Variants in DSCAM observed in about 807,000 individuals in gnomAD.
DSCAM encodes the protein DS cell adhesion molecule.
A neutral mutation model predicts 217.7 loss-of-function variants in DSCAM; 47 were observed. The observed-to-expected ratio is 0.22, with a 90% CI of 0.17 to 0.28. DSCAM has a LOEUF of 0.28. Ranked by LOEUF, DSCAM falls within the 10% of genes least tolerant of loss-of-function variation. The pLI is 1.00. For synonymous variants in DSCAM, 1,056 were observed against 1,015.3 expected (o/e 1.04, Z -0.76); for missense variants, 2,080 against 2,618.3 (o/e 0.79, Z 4.49).
intron 3 of DSCAM, among the ~76,000 whole-genome samples, chr21:40,584,594 T>C (rs2076930027): frequency 6.6e-6 from 1 of 151,802 alleles, no homozygotes; most frequent in Admixed American, 6.6e-5. Context: ...TCATCACACC[T>C]CCCTCCCTCA....
At chr21:40,517,945 T>A (rs1401099681) in intron 3 of DSCAM, among the ~76,000 whole-genome samples, 2 of 152,094 alleles carry the variant, frequency 1.3e-5, no homozygotes, top group Non-Finnish European at 2.9e-5. Context: ...CACATGGCTC[T>A]GAGTATGAGC....
intron 3 of DSCAM, among the ~76,000 whole-genome samples, chr21:40,416,444 T>C (rs964281719): frequency 1.1e-4 from 16 of 152,226 alleles, no homozygotes; most frequent in African/African-American, 3.9e-4. Flanking sequence ...TGGATGCTTG[T>C]TGAAGTTATC....
chr21:40,626,351 G>A (rs1027525951), intron 3 of DSCAM, among the ~76,000 whole-genome samples: 1 of 151,964 alleles, frequency 6.6e-6, no homozygotes, highest in Non-Finnish European at 1.5e-5. Flanking sequence ...CCCTTATGTA[G>A]ACACCTGAAA....
At chr21:40,248,809 A>G (rs2073262741) in intron 11 of DSCAM, among the ~76,000 whole-genome samples, 1 of 152,226 alleles carries the variant, frequency 6.6e-6, no homozygotes, top group South Asian at 2.1e-4. Context: ...TGATGAAGAC[A>G]TACCTGAGAC....
intron 2 of DSCAM, among the ~76,000 whole-genome samples, chr21:40,700,532 T>G (rs1261874273): frequency 6.6e-6 from 1 of 152,170 alleles, no homozygotes; most frequent in Non-Finnish European, 1.5e-5. Flanking sequence ...TCATAATGTA[T>G]TATTCCTTTT....
Position 40,406,724 on chromosome 21 carries a change from G to A in DSCAM, c.509-37479C>T, listed in dbSNP as rs928319335. ...TCCCACCTCAGCCTCCCAGGTAGAT[G>A]AGACTATAGGTGTGTGCCACCATAC... On this transcript the variant is annotated intron_variant, in intron 3 of 32. Transcript: ENST00000400454. Among the ~76,000 whole-genome samples, 5 of 152,172 alleles carry A rather than the reference G, an allele frequency of 3.3e-5. No individual in the cohort carries two copies. The East Asian group carries it at 9.6e-4, about 29-fold the overall frequency.
At chr21:40,620,935 C>T (rs2089506577) in intron 3 of DSCAM, among the ~76,000 whole-genome samples, 1 of 152,170 alleles carries the variant, frequency 6.6e-6, no homozygotes, top group Admixed American at 6.5e-5. Flanking sequence ...CGTGTGACGA[C>T]ATTGATGGAT....
At chr21:40,721,327 C>G (rs1193551471) in intron 1 of DSCAM, among the ~76,000 whole-genome samples, 1 of 152,110 alleles carries the variant, frequency 6.6e-6, no homozygotes, top group Admixed American at 6.6e-5. Context: ...GTAAACTATT[C>G]CACAGAAAGA....
intron 11 of DSCAM, among the ~76,000 whole-genome samples, chr21:40,197,417 C>A (rs1410288792): frequency 1.3e-5 from 2 of 152,162 alleles, no homozygotes; most frequent in Admixed American, 6.5e-5. Context: ...CGCGCCCAGC[C>A]TCTCCTTAAT....
intron 11 of DSCAM, among the ~76,000 whole-genome samples, chr21:40,192,913 T>A (rs571269768): frequency 3.3e-5 from 5 of 152,280 alleles, no homozygotes; most frequent in African/African-American, 1.2e-4. Flanking sequence ...TGAACAAATG[T>A]TTTCATTTTT....
chr21:40,360,796 G>T (rs2074754614), intron 4 of DSCAM, among the ~76,000 whole-genome samples: 1 of 152,128 alleles, frequency 6.6e-6, no homozygotes, highest in Non-Finnish European at 1.5e-5. Flanking sequence ...TGTCTTTTTG[G>T]AAGAATGATT....
In DSCAM at chr21:40,256,408, G is replaced by C. The variant is rs962446979; in HGVS notation, c.2356+19689C>G. Among the ~76,000 whole-genome samples, 4 of 151,326 alleles carry C rather than the reference G, an allele frequency of 2.6e-5. No homozygotes were observed. In the South Asian group the frequency reaches 6.2e-4, roughly 24 times the overall value. On this transcript the variant is annotated intron_variant, in intron 11 of 32. Transcript: ENST00000400454. ...AATAGGAGAGAGAGAGACAGACAGA[G>C]AGAGAGAGAGAGAGACAGAGAGAGA...
At chr21:40,534,695 G>A (rs1345572098) in intron 3 of DSCAM, among the ~76,000 whole-genome samples, 1 of 152,054 alleles carries the variant, frequency 6.6e-6, no homozygotes, top group Non-Finnish European at 1.5e-5. Flanking sequence ...GCTATCCAGG[G>A]CAATGATATA....
intron 27 of DSCAM, among the ~76,000 whole-genome samples, chr21:40,068,285 G>A (rs1203823064): frequency 1.3e-5 from 2 of 152,124 alleles, no homozygotes; most frequent in African/African-American, 2.4e-5. Context: ...TTTGGGTGGC[G>A]AGTGGAAGGG....
At chr21:40,151,147 C>T (rs531002572) in intron 16 of DSCAM, among the ~76,000 whole-genome samples, 1 of 152,290 alleles carries the variant, frequency 6.6e-6, no homozygotes, top group East Asian at 1.9e-4. Context: ...GCTTGCTCAC[C>T]TGCGTTCCTC....
At chr21:40,547,365 C>A (rs562918441) in intron 3 of DSCAM, among the ~76,000 whole-genome samples, 7 of 152,272 alleles carry the variant, frequency 4.6e-5, no homozygotes, top group Admixed American at 3.9e-4. Context: ...CACTCTGCAC[C>A]CAAACCTATC....
At chr21:40,252,920 C>A (rs1032620392) in intron 11 of DSCAM, among the ~76,000 whole-genome samples, 1 of 152,158 alleles carries the variant, frequency 6.6e-6, no homozygotes, top group Non-Finnish European at 1.5e-5. Context: ...TGTCTGTCCC[C>A]CTAGACCCAA....
chr21:40,681,827 C>T (rs993391884), intron 3 of DSCAM, among the ~76,000 whole-genome samples: 8 of 152,048 alleles, frequency 5.3e-5, no homozygotes, highest in South Asian at 2.1e-4. Context: ...AGTCACATGT[C>T]GCTAGAGGGA....
intron 31 of DSCAM, 88 bp downstream of exon 31, chr21:40,043,988 CCT>C (rs1267308545): frequency 7.5e-7 from 1 of 1,341,264 alleles, no homozygotes; most frequent in East Asian, 2.3e-5. Flanking sequence ...GGGAGGAAGC[CCT>C]CTCTCCCCTC....
Sources: allele counts gnomAD v4.1 joint callset (sites outside exome capture counted in the v4.1 genomes callset), GRCh38; gene constraint gnomAD v4.1.1; transcripts MANE v1.5; gene names NCBI Gene and HGNC (gene_info 2026-07-23, HGNC 2026-07-21).